Variants in LARGE1 observed in about 807,000 individuals in gnomAD.
LARGE1 encodes the protein xylosyl- and glucuronyltransferase LARGE1.
A neutral mutation model predicts 87.6 loss-of-function variants in LARGE1; 43 were observed. The ratio of observed to expected loss-of-function variants is 0.49; its 90% confidence interval spans 0.38 to 0.63. The LOEUF is 0.63. LARGE1 is among the 30% of genes least tolerant of loss of function. The pLI is 0.00. For synonymous variants in LARGE1, 434 were observed against 394.6 expected (o/e 1.10, Z -1.18); for missense variants, 802 against 1,000.2 (o/e 0.80, Z 2.67).
exon 12 of LARGE1, chr22:33,166,526 A>T (rs1440235290): frequency 3.0e-6 from 1 of 333,954 alleles, no homozygotes; most frequent in Non-Finnish European, 5.9e-6. Flanking sequence ...GGGGATGTTC[A>T]CCTGGCATGT....
At chr22:33,268,775 T>A (rs1205029085), downstream of LARGE1, among the ~76,000 whole-genome samples, 1 of 152,200 alleles carries the variant, frequency 6.6e-6, no homozygotes, top group Admixed American at 6.5e-5. Context: ...ACTTTCATTG[T>A]CTGGTAATAA....
At chr22:33,343,757 C>T (rs1285782536) in intron 9 of LARGE1, among the ~76,000 whole-genome samples, 1 of 152,170 alleles carries the variant, frequency 6.6e-6, no homozygotes, top group East Asian at 1.9e-4. Context: ...CCCAGGGTCA[C>T]TAAGTGAGTA....
intron 1 of LARGE1, among the ~76,000 whole-genome samples, chr22:33,796,587 C>T (rs528314861): frequency 1.3e-5 from 2 of 152,188 alleles, no homozygotes; most frequent in African/African-American, 4.8e-5. Flanking sequence ...GGGTCAGAAA[C>T]ATTATTTTCC....
At chr22:33,300,792 G>A (rs748627208) in intron 12 of LARGE1, among the ~76,000 whole-genome samples, 3 of 151,990 alleles carry the variant, frequency 2.0e-5, no homozygotes, top group Admixed American at 6.6e-5. Context: ...CACCGGCCTC[G>A]GCCTCCCAAA....
intron 1 of LARGE1, among the ~76,000 whole-genome samples, chr22:33,902,407 A>G (rs2065308168): frequency 6.6e-6 from 1 of 152,190 alleles, no homozygotes. Flanking sequence ...CCACCCTCAG[A>G]GTATCGCAGA....
rs118152042 is a variant in LARGE1 at position 33,591,794 on chromosome 22, G to A, written c.615+12641C>T. The stretch of plus-strand genomic sequence containing the variant: ...AGGCCGAGGTAGCAGGACTGCTTGG[G>A]CCAGGAGTTCAAGATCAACACGGGC... On this transcript the variant is annotated intron_variant, in intron 5 of 14. Coordinates refer to ENST00000397394, the MANE Select transcript of LARGE1 (RefSeq NM_133642.5). Among the ~76,000 whole-genome samples, 4 of 146,752 alleles carry A rather than the reference G, an allele frequency of 2.7e-5. No homozygotes were observed. In the East Asian group the frequency reaches 8.1e-4, roughly 30 times the overall value.
At chr22:33,232,589 C>T (rs979317096) in intron 11 of LARGE1, among the ~76,000 whole-genome samples, 10 of 152,196 alleles carry the variant, frequency 6.6e-5, no homozygotes, top group Admixed American at 5.2e-4. Context: ...ATTTGGAAAG[C>T]CTTGACCCTT....
chr22:33,381,822 C>T (rs768674483), intron 9 of LARGE1, 97 bp downstream of exon 9: 48 of 1,486,906 alleles, frequency 3.2e-5, no homozygotes, highest in South Asian at 8.0e-5. Flanking sequence ...ATCTCTCTCA[C>T]CACATTGCAC....
chr22:33,770,412 T>G (rs1170738840), intron 1 of LARGE1, among the ~76,000 whole-genome samples: 4 of 152,220 alleles, frequency 2.6e-5, no homozygotes, highest in Non-Finnish European at 4.4e-5. Context: ...CCAGGTGCAG[T>G]GGCTCATGCC....
chr22:33,583,645 G>A (rs1055722455), intron 5 of LARGE1, among the ~76,000 whole-genome samples: 1 of 152,208 alleles, frequency 6.6e-6, no homozygotes, highest in African/African-American at 2.4e-5. Context: ...ATAGGTCAGG[G>A]ACATTGATTT....
At chr22:33,384,729 C>T (rs924106478) in intron 7 of LARGE1, among the ~76,000 whole-genome samples, 4 of 148,304 alleles carry the variant, frequency 2.7e-5, no homozygotes, top group Non-Finnish European at 6.0e-5. Flanking sequence ...CTCAACTGTA[C>T]GTTTAAACAT....
At chr22:33,469,855 A>C (rs969211505) in intron 6 of LARGE1, among the ~76,000 whole-genome samples, 3 of 149,708 alleles carry the variant, frequency 2.0e-5, no homozygotes, top group Non-Finnish European at 4.4e-5. Context: ...AACAAAAAAC[A>C]AAAAACCATC....
intron 2 of LARGE1, among the ~76,000 whole-genome samples, chr22:33,685,239 G>T (rs979769340): frequency 2.0e-5 from 3 of 152,098 alleles, no homozygotes; most frequent in African/African-American, 7.2e-5. Flanking sequence ...AATGCCAGGG[G>T]GTATTAATAT....
chr22:33,353,657 CTT>C (rs1178770229), intron 9 of LARGE1, among the ~76,000 whole-genome samples: 2 of 152,142 alleles, frequency 1.3e-5, no homozygotes, highest in African/African-American at 4.8e-5. Flanking sequence ...GAAAGAATGA[CTT>C]TTTTTGTGAG....
At chr22:33,141,800 T>C in the LARGE1 span, among the ~76,000 whole-genome samples, 1 of 152,168 alleles carries the variant, frequency 6.6e-6, no homozygotes, top group South Asian at 2.1e-4. Flanking sequence ...CTGTTTCAAG[T>C]TTTGTCTGCT....
At chr22:33,163,787 T>A (rs1426200590) in exon 12 of LARGE1, 1 of 152,142 alleles carries the variant, frequency 6.6e-6, no homozygotes, top group African/African-American at 2.4e-5. Context: ...AAAAAGAAAT[T>A]TACGATGCAG....
chr22:33,863,496 A>T (rs1384110249), intron 1 of LARGE1, among the ~76,000 whole-genome samples: 1 of 151,974 alleles, frequency 6.6e-6, no homozygotes, highest in Non-Finnish European at 1.5e-5. Flanking sequence ...CCAGTGGCTC[A>T]TGCCTGTAAT....
chr22:33,913,532 T>C (rs2065697130), intron 1 of LARGE1, among the ~76,000 whole-genome samples: 1 of 152,100 alleles, frequency 6.6e-6, no homozygotes, highest in East Asian at 1.9e-4. Context: ...TGAGAAGTCT[T>C]TGGTGTTTTT....
chr22:33,506,816 G>A (rs541548300), intron 6 of LARGE1, among the ~76,000 whole-genome samples: 3 of 152,156 alleles, frequency 2.0e-5, no homozygotes, highest in Non-Finnish European at 4.4e-5. Flanking sequence ...CAAGAGAATC[G>A]CTTGAACCCA....
Sources: allele counts gnomAD v4.1 joint callset (sites outside exome capture counted in the v4.1 genomes callset), GRCh38; gene constraint gnomAD v4.1.1; transcripts MANE v1.5; gene names NCBI Gene and HGNC (gene_info 2026-07-23, HGNC 2026-07-21).